The following SIK2 variants were observed in gnomAD, a reference collection of about 807,000 sequenced individuals.
SIK2 encodes salt inducible kinase 2.
SIK2 carries 29 observed loss-of-function variants against 103.2 expected under a neutral mutation model. That is an observed-to-expected ratio of 0.28 (90% CI 0.21 to 0.38). The LOEUF is 0.38. Ranked by LOEUF, SIK2 falls within the 10% of genes least tolerant of loss-of-function variation. The pLI, the probability that SIK2 is intolerant of heterozygous loss-of-function variation, is 1.00. For missense variants in SIK2, 879 were observed against 1,171.0 expected (o/e 0.75, Z 3.64); for synonymous variants, 412 against 446.1 (o/e 0.92, Z 0.96).
intron 2 of SIK2, among the ~76,000 whole-genome samples, chr11:111,618,983 A>G (rs1014658467): frequency 6.6e-6 from 1 of 152,024 alleles, no homozygotes; most frequent in Non-Finnish European, 1.5e-5. Flanking sequence ...TGAGCCTCCC[A>G]CGTTGGCCTC....
chr11:111,671,637 G>T, intron 3 of SIK2: 1 of 357,616 alleles, frequency 2.8e-6, no homozygotes, highest in Non-Finnish European at 5.4e-6. Flanking sequence ...GGGAGCAGCT[G>T]TTGTCCATGG....
At chr11:111,634,736 G>A (rs1304510438) in intron 3 of SIK2, among the ~76,000 whole-genome samples, 1 of 152,160 alleles carries the variant, frequency 6.6e-6, no homozygotes, top group East Asian at 1.9e-4. Context: ...ATAAAATCAA[G>A]TTAGTGTGGA....
chr11:111,720,150 C>T, intron 10 of SIK2, 147 bp downstream of exon 10: 1 of 822,006 alleles, frequency 1.2e-6, no homozygotes, highest in Admixed American at 2.2e-5. Context: ...GTATAGCAGA[C>T]ACAGCCTGGC....
intron 3 of SIK2, among the ~76,000 whole-genome samples, chr11:111,626,096 A>G (rs1279423973): frequency 6.6e-6 from 1 of 152,228 alleles, no homozygotes; most frequent in African/African-American, 2.4e-5. Flanking sequence ...GTAAATGGTC[A>G]ATTGGAGTTC....
chr11:111,707,439 A>G (rs962863725), intron 8 of SIK2, among the ~76,000 whole-genome samples: 1 of 152,216 alleles, frequency 6.6e-6, no homozygotes, highest in Non-Finnish European at 1.5e-5. Flanking sequence ...TAAATTACCA[A>G]GCACTCTGTG....
At chr11:111,659,063 A>T (rs1471442193) in intron 3 of SIK2, among the ~76,000 whole-genome samples, 1 of 152,092 alleles carries the variant, frequency 6.6e-6, no homozygotes, top group Non-Finnish European at 1.5e-5. Flanking sequence ...CAGTTACATG[A>T]TTTGCTGTCT....
At chr11:111,603,543 A>G (rs1302624973) in intron 1 of SIK2, among the ~76,000 whole-genome samples, 1 of 151,878 alleles carries the variant, frequency 6.6e-6, no homozygotes, top group Non-Finnish European at 1.5e-5. Flanking sequence ...CACCCTCTTC[A>G]TTGCACATTC....
chr11:111,604,746 T>C (rs917340939), intron 1 of SIK2, among the ~76,000 whole-genome samples: 1 of 152,174 alleles, frequency 6.6e-6, no homozygotes, highest in East Asian at 1.9e-4. Context: ...GCTAAATGTT[T>C]AGTCCGCAGA....
In SIK2 at chr11:111,730,529, A is replaced by ATGTT. The variant is rs1944152896; in HGVS notation, c.*6403_*6406dup. 1 of 152,196 alleles carries ATGTT rather than the reference A, an allele frequency of 6.6e-6. No homozygotes were observed. The highest frequency in any genetic ancestry group is 2.4e-5 in the African/African-American group (1 of 41,446). 9.4% of individuals were successfully genotyped at this position (152,196 alleles called of 1,614,324 possible). ...GAAGGGAGGTGGGTGGTTTTGCTGG[A>ATGTT]TGTTTGGTCTGAAAGAGTTACTTTT... is the stretch of plus-strand genomic sequence containing the variant. On this transcript the variant is annotated 3_prime_UTR_variant, in exon 15 of 15. Transcript: ENST00000304987.
rs776266333 is a variant in SIK2, at chr11:111,678,027, G to A, written c.317-9974G>A. Among the ~76,000 whole-genome samples, 8 of 152,090 alleles carry A rather than the reference G, an allele frequency of 5.3e-5. No homozygotes were observed. The South Asian group carries it at 8.3e-4, about 16-fold the overall frequency. On this transcript the variant is annotated intron_variant, in intron 3 of 14. Transcript: ENST00000304987. ...CCCCTTGTTAGGCCTAGAAATCCTC[G>A]CTTAGTTTGACTTTGACTTCTTCAG...
chr11:111,651,531 G>T (rs1199702739), intron 3 of SIK2, among the ~76,000 whole-genome samples: 1 of 152,174 alleles, frequency 6.6e-6, no homozygotes, highest in African/African-American at 2.4e-5. Flanking sequence ...GTGCCTGTCA[G>T]GGGAGGTGAT....
chr11:111,674,221 G>A (rs551219419), intron 3 of SIK2, among the ~76,000 whole-genome samples: 10 of 152,122 alleles, frequency 6.6e-5, no homozygotes, highest in Admixed American at 2.6e-4. Context: ...TGGAGCTATC[G>A]TCTTTCTTTT....
At chr11:111,642,043 C>T (rs1252299112) in intron 3 of SIK2, among the ~76,000 whole-genome samples, 3 of 152,124 alleles carry the variant, frequency 2.0e-5, no homozygotes, top group Non-Finnish European at 4.4e-5. Flanking sequence ...AGTTTGGTTG[C>T]CCTGTTCTTG....
At chr11:111,679,745 T>G (rs954843133) in intron 3 of SIK2, among the ~76,000 whole-genome samples, 2 of 152,202 alleles carry the variant, frequency 1.3e-5, no homozygotes, top group Non-Finnish European at 2.9e-5. Flanking sequence ...TAATGGGACT[T>G]CCTTTCTCAG....
chr11:111,623,537 G>A (rs1330147879), intron 3 of SIK2, among the ~76,000 whole-genome samples: 1 of 152,204 alleles, frequency 6.6e-6, no homozygotes, highest in Admixed American at 6.5e-5. Context: ...CTTGGAAACA[G>A]TTTGATCCAT....
intron 3 of SIK2, among the ~76,000 whole-genome samples, chr11:111,640,509 T>G (rs1420910935): frequency 6.6e-6 from 1 of 152,178 alleles, no homozygotes; most frequent in African/African-American, 2.4e-5. Flanking sequence ...CATTAAATAG[T>G]ATAACATTTT....
rs961671692 is a variant in SIK2 at position 111,701,559 on chromosome 11, G to A, written c.711G>A (p.Pro237=). The A allele has an allele frequency of 1.9e-5, 31 of 1,613,406 alleles. No homozygotes were observed. Among genetic ancestry groups the A allele is most frequent in the African/African-American group, 8.0e-5 (6 of 74,890 alleles). ...TTCTGGAAGGAAGATTCCGGATTCC[G>A]TATTTCATGTCAGAAGGTAATCAAC... ...QRVLEGRFRI[P]YFMSEDCEHL... The change falls in exon 6 of 15, where the codon CCG becomes CCA. Residue 237 remains proline, a synonymous_variant. Coordinates refer to ENST00000304987, the MANE Select transcript of SIK2 (RefSeq NM_015191.3). This position sits in a 1 kb window ranked among gnomAD's most constrained non-coding sequence, Gnocchi z 4.2.
intron 6 of SIK2, 111 bp from the exon 7 acceptor site, chr11:111,703,092 C>A: frequency 1.1e-6 from 1 of 871,334 alleles, no homozygotes; most frequent in Non-Finnish European, 1.8e-6. Flanking sequence ...TTCTGCTTTC[C>A]AGTAGAGGAT....
At chr11:111,630,413 A>G (rs1046742955) in intron 3 of SIK2, among the ~76,000 whole-genome samples, 28 of 152,192 alleles carry the variant, frequency 1.8e-4, no homozygotes, top group African/African-American at 6.3e-4. Flanking sequence ...TATACAGAAT[A>G]TACAATTACC....
Sources: gnomAD v4.1 joint callset for allele counts (sites outside exome capture counted in the v4.1 genomes callset) on GRCh38, gnomAD v4.1.1 for gene constraint, Gnocchi (gnomAD v3.1) non-coding constraint, MANE v1.5 for transcripts, NCBI Gene and HGNC (gene_info 2026-07-23, HGNC 2026-07-21) for gene names.